CD300LB: variants seen among roughly 807,000 people sequenced by gnomAD.
The protein encoded by CD300LB is CD300 molecule like family member b.
In CD300LB, 18 loss-of-function variants were observed where a neutral mutation model predicts 20.8. That is an observed-to-expected ratio of 0.87 (90% CI 0.60 to 1.28). The LOEUF is 1.28. CD300LB is among the 50% of genes most tolerant of loss of function. The pLI, the probability that CD300LB is intolerant of heterozygous loss-of-function variation, is 0.00. For synonymous variants in CD300LB, 91 were observed against 91.3 expected (o/e 1.00, Z 0.02); for missense variants, 222 against 251.8 (o/e 0.88, Z 0.80).
chr17:74,526,517 T>C (rs2143076772), intron 1 of CD300LB, among the ~76,000 whole-genome samples: 1 of 152,266 alleles, frequency 6.6e-6, no homozygotes, highest in South Asian at 2.1e-4. Flanking sequence ...GTTCGAGACC[T>C]GCATGGCCAA....
intron 3 of CD300LB, chr17:74,523,228 A>G (rs755207741): frequency 2.1e-4 from 107 of 505,092 alleles, no homozygotes; most frequent in Admixed American, 1.9e-3. Context: ...TGCTAGCTCC[A>G]GGCTGGTAAA....
chr17:74,522,040 C>G lies in CD300LB; in HGVS notation c.*698G>C. 1.0e-6 allele frequency: 1 copy of G among 985,378 alleles called. No individual in the cohort carries two copies. Among genetic ancestry groups the G allele is most frequent in the Non-Finnish European group, 1.2e-6 (1 of 829,954 alleles). The allele number at this position is 985,378 out of a possible 1,614,324, so 61.0% of individuals were successfully genotyped here. On this transcript the variant is annotated 3_prime_UTR_variant, in exon 4 of 4. Transcript: ENST00000392621. ...AGGAGGCTCCCAAGCTGCAGCCCCT[C>G]GGAGGTGGGGGAATAGGCAGGGAGC...
chr17:74,527,330 A>G (rs573354053), intron 1 of CD300LB, among the ~76,000 whole-genome samples: 259 of 152,354 alleles, frequency 1.7e-3, no homozygotes, highest in African/African-American at 6.1e-3. Flanking sequence ...GCAGAGAATC[A>G]CAGGGGAAGC....
At chr17:74,524,642 G>A (rs768561856) in intron 2 of CD300LB, among the ~76,000 whole-genome samples, 1 of 152,102 alleles carries the variant, frequency 6.6e-6, no homozygotes, top group Non-Finnish European at 1.5e-5. Context: ...CCCAGGCTTT[G>A]GCCACACTAG....
chr17:74,525,689 C>A, intron 2 of CD300LB, 59 bp downstream of exon 2: 2 of 1,465,590 alleles, frequency 1.4e-6, no homozygotes, highest in Non-Finnish European at 1.9e-6. Flanking sequence ...CAGGTAAGAG[C>A]ACTGACTTTC....
Position 74,521,977 on chromosome 17 carries a change from C to A in CD300LB, c.*761G>T. The A allele has an allele frequency of 1.0e-6, 1 of 985,484 alleles. No individual in the cohort carries two copies. Among genetic ancestry groups the A allele is most frequent in the African/African-American group, 1.7e-5 (1 of 57,368 alleles). 61.0% of individuals were successfully genotyped at this position (985,484 alleles called of 1,614,324 possible). A position where few individuals can be genotyped will look rare whatever the true frequency, so the allele number is the denominator to read the frequency against. On this transcript the variant is annotated 3_prime_UTR_variant, in exon 4 of 4. Coordinates refer to ENST00000392621, the MANE Select transcript of CD300LB (RefSeq NM_174892.4). ...CCTGGAGGTGGTTCTTGAGGCCTGA[C>A]AGGCTCTTTTGGGGAGGAGACCCAA...
At chr17:74,529,854 C>T (rs1908148664) in intron 1 of CD300LB, among the ~76,000 whole-genome samples, 2 of 152,212 alleles carry the variant, frequency 1.3e-5, no homozygotes, top group African/African-American at 4.8e-5. Flanking sequence ...TCAGCAATCA[C>T]TAACAGCAGA....
intron 2 of CD300LB, 143 bp downstream of exon 2, chr17:74,525,605 G>T: frequency 1.4e-6 from 1 of 731,704 alleles, no homozygotes; most frequent in East Asian, 2.5e-5. Context: ...CAGTTTGTCT[G>T]CCTGTCTGTC....
At chr17:74,526,605 C>T (rs146375445) in intron 1 of CD300LB, among the ~76,000 whole-genome samples, 37 of 152,180 alleles carry the variant, frequency 2.4e-4, no homozygotes, top group African/African-American at 6.3e-4. Context: ...CTCAGCTATG[C>T]GGGAGGCTGA....
Position 74,522,340 on chromosome 17 carries a change from C to T in CD300LB, c.*398G>A. On this transcript the variant is annotated 3_prime_UTR_variant, in exon 4 of 4. Transcript: ENST00000392621. Reference sequence around the variant, plus strand: ...TAAAAACACGGATATATCAGGTTCTCAGGCAAAGACGGTGTTGAGTTGGTC... The same window carrying T: ...TAAAAACACGGATATATCAGGTTCTTAGGCAAAGACGGTGTTGAGTTGGTC... The T allele has an allele frequency of 1.0e-6, 1 of 997,228 alleles. No individual in the cohort carries two copies. The highest frequency in any genetic ancestry group is 1.2e-6 in the Non-Finnish European group (1 of 837,802). The allele number at this position is 997,228 out of a possible 1,614,324, so 61.8% of individuals were successfully genotyped here. A position where few individuals can be genotyped will look rare whatever the true frequency, so the allele number is the denominator to read the frequency against.
intron 1 of CD300LB, among the ~76,000 whole-genome samples, chr17:74,529,396 A>G (rs1908131972): frequency 6.6e-6 from 1 of 152,100 alleles, no homozygotes. Flanking sequence ...GATGTCCTGC[A>G]CACTGACAGC....
Position 74,525,865 on chromosome 17 carries a change from G to A in CD300LB, c.253C>T (p.Arg85Cys), listed in dbSNP as rs771531701. ...CCCTCCATGGTCACAGTGAACGTGCGGTCTTTCTGATTGTCCTTGATGGAC... is the reference window on the plus strand; with the variant it reads ...CCCTCCATGGTCACAGTGAACGTGCAGTCTTTCTGATTGTCCTTGATGGAC... ...RVSIKDNQKD[R>C]TFTVTMEGLR... The change falls in exon 2 of 4, where the codon CGC becomes TGC. Residue 85 changes from arginine (R) to cysteine (C), a missense_variant. Arg to Cys is a radical substitution (Grantham distance 180). Transcript: ENST00000392621. 26 of 1,613,938 alleles carry A rather than the reference G, an allele frequency of 1.6e-5. No individual in the cohort carries two copies. The highest frequency in any genetic ancestry group is 1.5e-4 in the South Asian group (14 of 91,082).
Position 74,528,079 on chromosome 17 carries a change from A to G in CD300LB, c.41-2002T>C, listed in dbSNP as rs1908089845. On this transcript the variant is annotated intron_variant, in intron 1 of 3. Transcript: ENST00000392621. ...GCCTGATGATGTGTCACTGTCTCCC[A>G]TCACCCCCAGATGGGATCATCTAGT... Among the ~76,000 whole-genome samples, 3 of 151,300 alleles carry G rather than the reference A, an allele frequency of 2.0e-5. No homozygotes were observed. The South Asian group carries it at 6.3e-4, about 32-fold the overall frequency.
At position 74,521,544 on chromosome 17, in the gene CD300LB, T is replaced by G. The variant is rs1421164893; in HGVS notation, c.*1194A>C. ...GTTCAAAGTCAGAGAAAGTTTCTCT[T>G]TGGCTGAAGGACAAGAAGAGGGGAG... On this transcript the variant is annotated 3_prime_UTR_variant, in exon 4 of 4. Transcript: ENST00000392621. 3 of 985,314 alleles carry G rather than the reference T, an allele frequency of 3.0e-6. No homozygotes were observed. The highest frequency in any genetic ancestry group is 3.6e-6 in the Non-Finnish European group (3 of 829,948). The allele number at this position is 985,314 out of a possible 1,614,324, so 61.0% of individuals were successfully genotyped here.
intron 1 of CD300LB, among the ~76,000 whole-genome samples, chr17:74,528,856 G>A (rs1209300917): frequency 1.3e-5 from 2 of 152,208 alleles, no homozygotes; most frequent in East Asian, 3.8e-4. Flanking sequence ...TGTAGGCTGG[G>A]CAAGGTGGCT....
In CD300LB at chr17:74,531,272, C is replaced by T. The variant is rs757472271; in HGVS notation, c.40+39G>A. Reference sequence around the variant, plus strand: ...AATGCCCTCTGCCTCCTGCCCTGCCCCTGTCATACCAAGCGCCCAAGGCCC... The same window carrying T: ...AATGCCCTCTGCCTCCTGCCCTGCCTCTGTCATACCAAGCGCCCAAGGCCC... On this transcript the variant is annotated intron_variant, in intron 1 of 3. Transcript: ENST00000392621. 5.3e-6 allele frequency: 8 copies of T among 1,508,532 alleles called. No individual in the cohort carries two copies. In the South Asian group the frequency reaches 7.9e-5, roughly 15 times the overall value. The allele number at this position is 1,508,532 out of a possible 1,614,324, so 93.4% of individuals were successfully genotyped here.
intron 2 of CD300LB, among the ~76,000 whole-genome samples, 200 bp downstream of exon 2, chr17:74,525,548 G>A (rs1010250032): frequency 7.9e-5 from 12 of 152,072 alleles, no homozygotes; most frequent in Non-Finnish European, 1.3e-4. Context: ...ATAGCAGAGC[G>A]ATGCTGGCCA....
chr17:74,526,576 G>A (rs192478064), intron 1 of CD300LB, among the ~76,000 whole-genome samples: 8 of 152,288 alleles, frequency 5.3e-5, no homozygotes, highest in Non-Finnish European at 1.0e-4. Flanking sequence ...AGCTGGGCGT[G>A]GTGGCAGTCA....
Position 74,531,291 on chromosome 17 carries a change from A to G in CD300LB, c.40+20T>C. The G allele has an allele frequency of 6.5e-7, 1 of 1,540,426 alleles. No individual in the cohort carries two copies. The highest frequency in any genetic ancestry group is 1.2e-5 in the South Asian group (1 of 81,292). ...CCTGCCCCTGTCATACCAAGCGCCC[A>G]AGGCCCCAGCCCCACTCACCTGAGA... On this transcript the variant is annotated intron_variant, in intron 1 of 3. Coordinates refer to ENST00000392621, the MANE Select transcript of CD300LB (RefSeq NM_174892.4).
Sources: allele counts gnomAD v4.1 joint callset (sites outside exome capture counted in the v4.1 genomes callset), GRCh38; gene constraint gnomAD v4.1.1; transcripts MANE v1.5; gene names NCBI Gene and HGNC (gene_info 2026-07-23, HGNC 2026-07-21).